The following CCDC93 variants were observed in gnomAD, a reference collection of about 807,000 sequenced individuals.
The protein encoded by CCDC93 is coiled-coil domain-containing protein 93.
CCDC93 carries 61 observed loss-of-function variants against 108.2 expected under a neutral mutation model. The ratio of observed to expected loss-of-function variants is 0.56; its 90% CI spans 0.46 to 0.70. The LOEUF is 0.70. Among genes scored for constraint, CCDC93 ranks in the 30% least tolerant of loss-of-function variants. The probability of loss-of-function intolerance (pLI) is 0.00; values close to 1 mark genes in which losing one functional copy is unlikely to be tolerated. For missense variants in CCDC93, 685 were observed against 764.2 expected (o/e 0.90, Z 1.22); for synonymous variants, 276 against 260.4 (o/e 1.06, Z -0.58).
chr2:117,936,470 T>C (rs1039154253), intron 21 of CCDC93: 4 of 470,200 alleles, frequency 8.5e-6, no homozygotes, highest in Non-Finnish European at 1.5e-5. Context: ...TATTTGAAAG[T>C]TAACTTTTTT....
intron 14 of CCDC93, 70 bp from the exon 15 acceptor site, chr2:117,948,256 G>C (rs1678940723): frequency 1.1e-5 from 12 of 1,100,772 alleles, no homozygotes; most frequent in Non-Finnish European, 1.5e-5. Context: ...GCTAAAAGCA[G>C]GTCCGCAGCT....
chr2:117,977,794 G>A (rs1679990109), intron 8 of CCDC93, among the ~76,000 whole-genome samples, 200 bp downstream of exon 8: 1 of 152,154 alleles, frequency 6.6e-6, no homozygotes, highest in Non-Finnish European at 1.5e-5. Context: ...CCAGCCCCAG[G>A]AGGAGACTGC....
intron 6 of CCDC93, among the ~76,000 whole-genome samples, chr2:117,992,951 C>CATAGAG (rs1202308050): frequency 6.6e-6 from 1 of 151,762 alleles, no homozygotes; most frequent in African/African-American, 2.4e-5. Flanking sequence ...AATCCATAGG[C>CATAGAG]ATAGAGATGC....
At chr2:118,013,884 C>T (rs149235559) in intron 1 of CCDC93, 70 bp downstream of exon 1, 14 of 1,414,996 alleles carry the variant, frequency 9.9e-6, no homozygotes, top group African/African-American at 1.5e-5. Context: ...GCCCGCTCAG[C>T]CCGCCGCCCC....
chr2:117,993,135 G>A (rs1490631689), intron 6 of CCDC93, among the ~76,000 whole-genome samples: 9 of 152,146 alleles, frequency 5.9e-5, no homozygotes, highest in African/African-American at 1.9e-4. Flanking sequence ...TGTGGCTCAC[G>A]CCTGTAATCC....
intron 19 of CCDC93, 29 bp from the exon 20 acceptor site, chr2:117,939,140 A>G (rs1678617713): frequency 1.4e-6 from 2 of 1,418,060 alleles, no homozygotes; most frequent in African/African-American, 1.4e-5. Context: ...CAGCACACGA[A>G]TAAGAACAGG....
chr2:118,003,881 C>A (rs1027524065), intron 3 of CCDC93, among the ~76,000 whole-genome samples: 1 of 152,058 alleles, frequency 6.6e-6, no homozygotes, highest in Non-Finnish European at 1.5e-5. Flanking sequence ...TCTAACAATC[C>A]CCTTTCAGCT....
At chr2:117,937,052 C>G (rs1350189356) in intron 20 of CCDC93, among the ~76,000 whole-genome samples, 2 of 152,224 alleles carry the variant, frequency 1.3e-5, no homozygotes, top group African/African-American at 4.8e-5. Flanking sequence ...CACTAGGGCT[C>G]TCTAGGCAAA....
At chr2:117,922,758 G>T (rs1422241271) in intron 23 of CCDC93, among the ~76,000 whole-genome samples, 1 of 152,074 alleles carries the variant, frequency 6.6e-6, no homozygotes, top group Admixed American at 6.6e-5. Flanking sequence ...CAAAATAGAG[G>T]GTGCTGGAGA....
At chr2:117,993,562 G>C (rs1680552978) in intron 6 of CCDC93, among the ~76,000 whole-genome samples, 1 of 152,114 alleles carries the variant, frequency 6.6e-6, no homozygotes, top group Non-Finnish European at 1.5e-5. Flanking sequence ...CTTCTCTCCT[G>C]CTGCTGGCCT....
At chr2:117,923,278 G>A (rs576841032) in intron 23 of CCDC93, among the ~76,000 whole-genome samples, 16 of 152,236 alleles carry the variant, frequency 1.1e-4, no homozygotes, top group South Asian at 6.2e-4. Context: ...GCAAGACAGC[G>A]CGTGCAGTGC....
chr2:117,978,065 T>C (rs769359038), intron 7 of CCDC93, 35 bp from the exon 8 acceptor site: 62 of 1,596,364 alleles, frequency 3.9e-5, no homozygotes, highest in Non-Finnish European at 5.1e-5. Flanking sequence ...AATTACTACT[T>C]AAAAAATTAC....
intron 1 of CCDC93, among the ~76,000 whole-genome samples, chr2:118,013,597 T>C (rs556396112): frequency 1.3e-5 from 2 of 152,220 alleles, no homozygotes; most frequent in Admixed American, 6.5e-5. Flanking sequence ...CCCTCGGGGC[T>C]AGCCCTGCGG....
intron 6 of CCDC93, among the ~76,000 whole-genome samples, chr2:117,991,414 A>C (rs1232968042): frequency 2.0e-5 from 3 of 152,206 alleles, no homozygotes; most frequent in Non-Finnish European, 4.4e-5. Flanking sequence ...GGTGCTAGGA[A>C]TATGTGGGAA....
At chr2:117,979,120 G>A (rs1037597142) in intron 7 of CCDC93, among the ~76,000 whole-genome samples, 4 of 152,074 alleles carry the variant, frequency 2.6e-5, no homozygotes, top group Non-Finnish European at 4.4e-5. Context: ...CACTCTTCCT[G>A]CCCATTCCTT....
chr2:117,989,104 T>C (rs1427436399), intron 6 of CCDC93, among the ~76,000 whole-genome samples: 3 of 152,240 alleles, frequency 2.0e-5, no homozygotes, highest in Non-Finnish European at 2.9e-5. Context: ...AAATGTTTTA[T>C]ACATAGCCTA....
chr2:117,986,909 G>A (rs1680337377), intron 6 of CCDC93, among the ~76,000 whole-genome samples: 1 of 151,942 alleles, frequency 6.6e-6, no homozygotes, highest in East Asian at 1.9e-4. Flanking sequence ...CCTACATGGT[G>A]TCAGTTACTG....
chr2:117,922,869 T>C (rs1029873144), intron 23 of CCDC93, among the ~76,000 whole-genome samples: 6 of 151,700 alleles, frequency 4.0e-5, no homozygotes, highest in East Asian at 1.9e-4. Flanking sequence ...GGCTGTGGAG[T>C]AGCAAGCAAG....
At chr2:117,953,747 T>G (rs1361161683) in intron 12 of CCDC93, among the ~76,000 whole-genome samples, 2 of 114,862 alleles carry the variant, frequency 1.7e-5, no homozygotes, top group Non-Finnish European at 3.8e-5. Context: ...AAAAAAAAAA[T>G]TAGCCCGGCA....
Sources: allele counts gnomAD v4.1 joint callset (sites outside exome capture counted in the v4.1 genomes callset), GRCh38; gene constraint gnomAD v4.1.1; transcripts MANE v1.5; gene names NCBI Gene and HGNC (gene_info 2026-07-23, HGNC 2026-07-21).